TANC2: variants seen among roughly 807,000 people sequenced by gnomAD.
TANC2 encodes tetratricopeptide repeat, ankyrin repeat and coiled-coil containing 2.
In TANC2, 26 loss-of-function variants were observed where a neutral mutation model predicts 210.5. The ratio of observed to expected loss-of-function variants is 0.12; its 90% CI spans 0.09 to 0.17. TANC2 has a LOEUF of 0.17. TANC2 is among the 10% of genes least tolerant of loss of function. TANC2 has a pLI of 1.00. For missense variants in TANC2, 2,129 were observed against 2,608.9 expected, an observed-to-expected ratio of 0.82 and a Z score of 4.01; for synonymous variants, 931 against 967.1, an observed-to-expected ratio of 0.96 and a Z score of 0.69.
At chr17:63,050,759 G>A (rs1283012610) in intron 2 of TANC2, among the ~76,000 whole-genome samples, 2 of 152,190 alleles carry the variant, frequency 1.3e-5, no homozygotes, top group African/African-American at 4.8e-5. Context: ...CTTAACAATG[G>A]ACTTTATAAG....
At chr17:63,424,921 T>C (rs1055490770) in exon 28 of TANC2, 4 of 152,214 alleles carry the variant, frequency 2.6e-5, no homozygotes, top group African/African-American at 7.2e-5. Flanking sequence ...ATGAAAAATA[T>C]TTGCAGTGAT....
chr17:63,064,539 C>G (rs1341963032), intron 2 of TANC2, among the ~76,000 whole-genome samples: 2 of 152,142 alleles, frequency 1.3e-5, no homozygotes, highest in East Asian at 3.9e-4. Context: ...TAAAGTATCT[C>G]TTAATCTCTT....
At chr17:63,423,754 C>T in exon 28 of TANC2, 1 of 152,218 alleles carries the variant, frequency 6.6e-6, no homozygotes. Context: ...CAGGCCAGGA[C>T]TTGTCTCTGT....
intron 10 of TANC2, among the ~76,000 whole-genome samples, chr17:63,316,212 GTTTAAGTA>G (rs772009913): frequency 8.1e-4 from 124 of 152,266 alleles, no homozygotes; most frequent in Non-Finnish European, 1.4e-3. Context: ...TCCTTTGAGT[GTTTAAGTA>G]TTTATCACTC....
chr17:62,987,085 C>A (rs567259112), intron 1 of TANC2, among the ~76,000 whole-genome samples: 2 of 152,276 alleles, frequency 1.3e-5, no homozygotes, highest in East Asian at 1.9e-4. Context: ...AGGGCCTCTC[C>A]CGCTGGGGGA....
At chr17:63,054,250 C>T (rs1039806602) in intron 2 of TANC2, among the ~76,000 whole-genome samples, 2 of 152,204 alleles carry the variant, frequency 1.3e-5, no homozygotes, top group African/African-American at 4.8e-5. Flanking sequence ...AGCTCCTTTT[C>T]TCTTTTCTAC....
At chr17:63,321,913 C>T (rs1434496165) in intron 11 of TANC2, among the ~76,000 whole-genome samples, 1 of 152,130 alleles carries the variant, frequency 6.6e-6, no homozygotes, top group East Asian at 1.9e-4. Flanking sequence ...TTTTCAGGTC[C>T]CTTCACCCTT....
chr17:63,292,908 G>A (rs990664336), intron 9 of TANC2, among the ~76,000 whole-genome samples: 10 of 152,210 alleles, frequency 6.6e-5, no homozygotes, highest in African/African-American at 1.9e-4. Flanking sequence ...ACAGAGATAC[G>A]ATGCAAACTG....
intron 27 of TANC2, 47 bp from the exon 28 acceptor site, chr17:63,419,952 T>G (rs1408587758): frequency 2.0e-6 from 3 of 1,484,358 alleles, no homozygotes. Context: ...GTGATTTCTC[T>G]GGATTCAGAA....
intron 14 of TANC2, among the ~76,000 whole-genome samples, chr17:63,363,019 C>T (rs1021806529): frequency 5.3e-5 from 8 of 152,192 alleles, no homozygotes; most frequent in African/African-American, 1.9e-4. Flanking sequence ...TTCTCCACAT[C>T]CTTCTCAGCA....
At chr17:63,035,203 C>A (rs915162356) in intron 2 of TANC2, among the ~76,000 whole-genome samples, 1 of 152,152 alleles carries the variant, frequency 6.6e-6, no homozygotes, top group Non-Finnish European at 1.5e-5. Context: ...GCAAAAAGAT[C>A]CCAACTTGCT....
chr17:63,187,084 G>A (rs1438383432), intron 5 of TANC2, among the ~76,000 whole-genome samples: 1 of 152,132 alleles, frequency 6.6e-6, no homozygotes, highest in Non-Finnish European at 1.5e-5. Flanking sequence ...CAAACATATA[G>A]GTCAAATAAT....
At chr17:63,045,767 CTTTTA>C (rs886568235) in intron 2 of TANC2, among the ~76,000 whole-genome samples, 3 of 151,910 alleles carry the variant, frequency 2.0e-5, no homozygotes, top group African/African-American at 7.3e-5. Flanking sequence ...TTTCTGGGTT[CTTTTA>C]TTCAGTTCTT....
chr17:63,251,169 T>C (rs1356339807), intron 8 of TANC2, among the ~76,000 whole-genome samples: 1 of 152,184 alleles, frequency 6.6e-6, no homozygotes, highest in South Asian at 2.1e-4. Flanking sequence ...AAGGCAGACA[T>C]GTAAACACCT....
intron 24 of TANC2, 121 bp from the exon 25 acceptor site, chr17:63,413,422 C>T (rs1452656950): frequency 1.5e-6 from 1 of 662,740 alleles, no homozygotes; most frequent in Non-Finnish European, 2.6e-6. Context: ...AGATGAGGTA[C>T]TAATTGTGGA....
At chr17:63,188,002 A>G (rs1198374800) in intron 5 of TANC2, among the ~76,000 whole-genome samples, 1 of 152,234 alleles carries the variant, frequency 6.6e-6, no homozygotes, top group Non-Finnish European at 1.5e-5. Context: ...AAACATATAA[A>G]AAATGGAAGA....
rs190686099 is a variant in TANC2, at chr17:63,420,268, C to T, written c.4538C>T (p.Thr1513Ile). Residue 1513 changes from threonine to isoleucine, a missense_variant, in exon 28 of 28, where the codon ACA (threonine) becomes ATA (isoleucine). Physicochemically the swap from Thr to Ile is moderately conservative, Grantham distance 89. Transcript: ENST00000689528. The surrounding 1 kb of genome is among the most constrained non-coding windows in gnomAD (Gnocchi z 4.2). ...GAAAATGTTTCCATTGGCCTCCAGACAGAGGCCCGGCCCAGCCAGGGGCTC... is the reference window on the plus strand; with the variant it reads ...GAAAATGTTTCCATTGGCCTCCAGATAGAGGCCCGGCCCAGCCAGGGGCTC... The T allele has an allele frequency of 1.2e-6, 2 of 1,613,830 alleles. No individual in the cohort carries two copies. Among genetic ancestry groups the T allele is most frequent in the African/African-American group, 1.3e-5 (1 of 75,036 alleles).
At chr17:63,099,463 G>A in intron 4 of TANC2, 106 bp downstream of exon 4, 1 of 773,724 alleles carries the variant, frequency 1.3e-6, no homozygotes, top group Non-Finnish European at 1.8e-6. Context: ...TTTCCTCTCT[G>A]GCCTTCCTAA....
At chr17:63,408,407 G>C (rs116815204) in intron 21 of TANC2, among the ~76,000 whole-genome samples, 123 of 152,320 alleles carry the variant, frequency 8.1e-4, no homozygotes, top group Non-Finnish European at 1.4e-3. Flanking sequence ...TTTGTTTCAT[G>C]TGTATCTCCT....
Sources: allele counts gnomAD v4.1 joint callset (sites outside exome capture counted in the v4.1 genomes callset), GRCh38; gene constraint gnomAD v4.1.1; non-coding constraint Gnocchi (gnomAD v3.1); transcripts MANE v1.5; gene names NCBI Gene and HGNC (gene_info 2026-07-23, HGNC 2026-07-21).